The following LRP1B variants were observed in gnomAD, a reference collection of about 807,000 sequenced individuals.
The protein encoded by LRP1B is LDL receptor related protein 1B.
A neutral mutation model predicts 556.6 loss-of-function variants in LRP1B; 217 were observed. The observed-to-expected ratio is 0.39, with a 90% confidence interval of 0.35 to 0.44. The LOEUF is 0.44. Among genes scored for constraint, LRP1B ranks in the 20% least tolerant of loss-of-function variants. The probability of loss-of-function intolerance (pLI) is 1.00; values close to 1 mark genes in which losing one functional copy is unlikely to be tolerated. For missense variants in LRP1B, 5,053 were observed against 5,620.8 expected (o/e 0.90, Z 3.23); for synonymous variants, 2,047 against 1,865.8 (o/e 1.10, Z -2.50).
intron 66 of LRP1B, among the ~76,000 whole-genome samples, chr2:140,426,566 C>G (rs1334521221): frequency 6.6e-6 from 1 of 152,174 alleles, no homozygotes; most frequent in African/African-American, 2.4e-5. Context: ...CCTGGCTCAT[C>G]CTGGCTCAAA....
At chr2:141,212,095 A>T (rs1303994383) in intron 6 of LRP1B, among the ~76,000 whole-genome samples, 1 of 152,020 alleles carries the variant, frequency 6.6e-6, no homozygotes, top group Admixed American at 6.6e-5. Context: ...AAAGTAAAGT[A>T]TTTTGAGAAT....
chr2:141,904,497 T>C (rs1699702477), intron 1 of LRP1B, among the ~76,000 whole-genome samples: 1 of 151,890 alleles, frequency 6.6e-6, no homozygotes, highest in Non-Finnish European at 1.5e-5. Context: ...GATGTCTAAG[T>C]GCTTTCTGGA....
At chr2:140,910,085 C>A (rs1419028854) in intron 21 of LRP1B, among the ~76,000 whole-genome samples, 1 of 101,704 alleles carries the variant, frequency 9.8e-6, no homozygotes. Flanking sequence ...AAAAATCATT[C>A]AGAATCTTAC....
At chr2:140,464,912 T>C (rs1687479596) in intron 60 of LRP1B, among the ~76,000 whole-genome samples, 1 of 152,182 alleles carries the variant, frequency 6.6e-6, no homozygotes, top group Admixed American at 6.5e-5. Flanking sequence ...ATTATAAATA[T>C]ATTTCTAAAA....
chr2:140,859,074 C>T (rs1380331043), intron 27 of LRP1B, among the ~76,000 whole-genome samples: 2 of 152,090 alleles, frequency 1.3e-5, no homozygotes, highest in African/African-American at 4.8e-5. Context: ...CCTGCTTCGG[C>T]CTCCCAAAGT....
intron 2 of LRP1B, among the ~76,000 whole-genome samples, chr2:141,552,787 A>C (rs567904679): frequency 1.7e-3 from 264 of 152,148 alleles, no homozygotes; most frequent in African/African-American, 6.1e-3. Context: ...AATAAAAAAA[A>C]TTCTACTGGG....
At chr2:141,323,531 C>A (rs2105475634) in intron 3 of LRP1B, among the ~76,000 whole-genome samples, 1 of 152,180 alleles carries the variant, frequency 6.6e-6, no homozygotes, top group South Asian at 2.1e-4. Flanking sequence ...CCCTAAACTT[C>A]TGTATTCTGA....
intron 1 of LRP1B, among the ~76,000 whole-genome samples, chr2:141,929,912 CAAAAAAAAAAAAAA>C (rs70994467): frequency 1.2e-4 from 12 of 104,124 alleles, no homozygotes; most frequent in East Asian, 2.9e-4. Flanking sequence ...CGGATGGAAA[CAAAAAAAAAAAAAA>C]AAAAAAAAAA....
rs184427804 is a variant in LRP1B, at chr2:141,544,504, C to T, written c.206-63971G>A. Among the ~76,000 whole-genome samples the T allele has an allele frequency of 1.3e-4, 19 of 150,654 alleles. No individual in the cohort carries two copies. In the East Asian group the frequency reaches 2.4e-3, roughly 19 times the overall value. On this transcript the variant is annotated intron_variant, in intron 2 of 90. Coordinates refer to ENST00000389484, the MANE Select transcript of LRP1B (RefSeq NM_018557.3). ...CTATGTTGTGCAATCAGGTCTTGAA[C>T]GCCTGGCCTCAAGTGATCCTCCCAC...
intron 2 of LRP1B, among the ~76,000 whole-genome samples, chr2:141,656,843 T>C (rs1362745764): frequency 6.6e-6 from 1 of 152,116 alleles, no homozygotes; most frequent in Non-Finnish European, 1.5e-5. Flanking sequence ...TGCATAATCA[T>C]ATAGATCCAC....
At chr2:142,103,292 T>C (rs1369873847) in intron 1 of LRP1B, among the ~76,000 whole-genome samples, 1 of 151,968 alleles carries the variant, frequency 6.6e-6, no homozygotes, top group African/African-American at 2.4e-5. Context: ...TAAACTTCTT[T>C]TCTTATTATG....
chr2:141,517,113 A>G (rs1238722226), intron 2 of LRP1B, among the ~76,000 whole-genome samples: 5 of 151,646 alleles, frequency 3.3e-5, no homozygotes, highest in Non-Finnish European at 7.4e-5. Context: ...TGGCTACAGC[A>G]TAAATATGTC....
intron 18 of LRP1B, among the ~76,000 whole-genome samples, chr2:140,978,262 A>T (rs752109184): frequency 2.6e-5 from 4 of 152,094 alleles, no homozygotes; most frequent in Non-Finnish European, 4.4e-5. Flanking sequence ...TCCAGTGAAA[A>T]CCTGACCCTC....
chr2:141,621,617 C>T (rs891265745), intron 2 of LRP1B, among the ~76,000 whole-genome samples: 1 of 152,070 alleles, frequency 6.6e-6, no homozygotes, highest in Non-Finnish European at 1.5e-5. Context: ...TCAGTATTTT[C>T]CTAAACTCAT....
At chr2:141,354,082 T>A (rs1039240586) in intron 3 of LRP1B, among the ~76,000 whole-genome samples, 7 of 151,936 alleles carry the variant, frequency 4.6e-5, no homozygotes, top group African/African-American at 1.7e-4. Context: ...GGGAGAAGAC[T>A]GAGGATCAAA....
At chr2:140,459,794 G>C (rs1165856467) in intron 60 of LRP1B, among the ~76,000 whole-genome samples, 1 of 152,028 alleles carries the variant, frequency 6.6e-6, no homozygotes, top group African/African-American at 2.4e-5. Flanking sequence ...TTGGATCATG[G>C]GGGCGGATTT....
chr2:140,855,651 C>T (rs1315130879), intron 27 of LRP1B, among the ~76,000 whole-genome samples: 3 of 151,872 alleles, frequency 2.0e-5, no homozygotes, highest in Non-Finnish European at 4.4e-5. Flanking sequence ...GATCCACTCT[C>T]TTGTTTATTT....
chr2:140,581,083 G>T (rs1681743988), intron 43 of LRP1B, among the ~76,000 whole-genome samples: 1 of 152,182 alleles, frequency 6.6e-6, no homozygotes, highest in African/African-American at 2.4e-5. Flanking sequence ...AGGAGCATGA[G>T]TTACAGACAT....
At chr2:140,580,677 CA>C (rs151148434) in intron 43 of LRP1B, among the ~76,000 whole-genome samples, 1 of 151,520 alleles carries the variant, frequency 6.6e-6, no homozygotes, top group African/African-American at 2.4e-5. Context: ...TTTATACAGT[CA>C]AAAAAATGAA....
Sources: allele counts gnomAD v4.1 joint callset (sites outside exome capture counted in the v4.1 genomes callset), GRCh38; gene constraint gnomAD v4.1.1; transcripts MANE v1.5; gene names NCBI Gene and HGNC (gene_info 2026-07-23, HGNC 2026-07-21).